Variants in LIN7A observed in about 807,000 individuals in gnomAD.
LIN7A encodes lin-7 cell polarity scaffold A.
Under a neutral mutation model 29.8 loss-of-function variants are expected in LIN7A, and 25 were observed. The ratio of observed to expected loss-of-function variants is 0.84; its 90% CI spans 0.61 to 1.17. LIN7A has a LOEUF of 1.17. Among genes scored for constraint, LIN7A ranks in the 50% most tolerant of loss-of-function variants. LIN7A has a pLI of 0.00. For missense variants in LIN7A, 239 were observed against 287.0 expected, an observed-to-expected ratio of 0.83 and a Z score of 1.21; for synonymous variants, 118 against 107.5, an observed-to-expected ratio of 1.10 and a Z score of -0.60.
At chr12:80,886,563 A>G (rs2120627157) in intron 2 of LIN7A, among the ~76,000 whole-genome samples, 1 of 152,238 alleles carries the variant, frequency 6.6e-6, no homozygotes, top group Middle Eastern at 3.4e-3. Context: ...AGATGAAGTA[A>G]TCTTTTACAC....
chr12:80,852,336 G>A (rs559784822), intron 2 of LIN7A, among the ~76,000 whole-genome samples: 6 of 152,030 alleles, frequency 3.9e-5, no homozygotes, highest in Non-Finnish European at 5.9e-5. Flanking sequence ...TGCATAGTTC[G>A]TCTTGATCTT....
At chr12:80,819,549 A>C (rs1033193920) in intron 4 of LIN7A, among the ~76,000 whole-genome samples, 5 of 152,126 alleles carry the variant, frequency 3.3e-5, no homozygotes, top group African/African-American at 1.2e-4. Flanking sequence ...ATTTATTATG[A>C]ACTCAATAAA....
chr12:80,870,671 G>A (rs142404607), intron 2 of LIN7A, among the ~76,000 whole-genome samples: 1 of 152,142 alleles, frequency 6.6e-6, no homozygotes, highest in East Asian at 1.9e-4. Context: ...GACCACAAAG[G>A]GGTAGACAAA....
intron 5 of LIN7A, among the ~76,000 whole-genome samples, chr12:80,809,795 T>TAC (rs1871202661): frequency 6.6e-6 from 1 of 152,242 alleles, no homozygotes; most frequent in Non-Finnish European, 1.5e-5. Context: ...TGTTCTTTGT[T>TAC]ACAAAGTGGA....
chr12:80,935,770 CTGAGCTA>C (rs1878180151), intron 1 of LIN7A: 1 of 509,964 alleles, frequency 2.0e-6, no homozygotes, highest in African/African-American at 1.9e-5. Context: ...TGCTTGTCTC[CTGAGCTA>C]CTGCATGTAC....
At chr12:80,881,636 T>G (rs1405609784) in intron 2 of LIN7A, among the ~76,000 whole-genome samples, 1 of 152,080 alleles carries the variant, frequency 6.6e-6, no homozygotes, top group African/African-American at 2.4e-5. Flanking sequence ...AAGTTATATA[T>G]ATATATATAT....
chr12:80,925,259 A>G (rs1877519715), intron 1 of LIN7A, among the ~76,000 whole-genome samples: 1 of 152,248 alleles, frequency 6.6e-6, no homozygotes, highest in Non-Finnish European at 1.5e-5. Context: ...GTGTTAATTG[A>G]AACATCAAGA....
intron 2 of LIN7A, among the ~76,000 whole-genome samples, chr12:80,853,662 ATATCTAG>A (rs1380922416): frequency 6.6e-6 from 1 of 151,660 alleles, no homozygotes; most frequent in East Asian, 1.9e-4. Flanking sequence ...CATACTGACG[ATATCTAG>A]TGTAGGTGAG....
chr12:80,852,750 A>G (rs552976066), intron 2 of LIN7A, among the ~76,000 whole-genome samples: 9 of 152,206 alleles, frequency 5.9e-5, no homozygotes, highest in Admixed American at 2.6e-4. Flanking sequence ...TTGTATTTTG[A>G]TGTTATTTAA....
intron 4 of LIN7A, among the ~76,000 whole-genome samples, chr12:80,811,946 C>T (rs574929719): frequency 6.6e-6 from 1 of 152,072 alleles, no homozygotes; most frequent in South Asian, 2.1e-4. Context: ...AATTATAATG[C>T]TAACATTAGG....
At chr12:80,895,357 A>G (rs1209514869) in intron 1 of LIN7A, among the ~76,000 whole-genome samples, 2 of 152,222 alleles carry the variant, frequency 1.3e-5, no homozygotes, top group Non-Finnish European at 2.9e-5. Context: ...AAGGAGTTCA[A>G]TTATTTTTTC....
chr12:80,842,106 ATC>A, intron 4 of LIN7A: 1 of 1,287,758 alleles, frequency 7.8e-7, no homozygotes, highest in Non-Finnish European at 1.0e-6. Context: ...ATGAGTTTCC[ATC>A]TGTTTTTGAC....
intron 2 of LIN7A, among the ~76,000 whole-genome samples, chr12:80,875,521 C>G (rs138080765): frequency 1.0e-3 from 154 of 152,246 alleles, no homozygotes; most frequent in African/African-American, 3.4e-3. Flanking sequence ...AAATTTGGCT[C>G]TAATTACAGA....
At chr12:80,848,191 GCA>G (rs1565900421) in intron 3 of LIN7A, 58 bp downstream of exon 3, 2 of 1,221,952 alleles carry the variant, frequency 1.6e-6, no homozygotes, top group South Asian at 2.4e-5. Flanking sequence ...ACACACACGC[GCA>G]CAATCAATTA....
intron 1 of LIN7A, among the ~76,000 whole-genome samples, chr12:80,915,360 A>G (rs77600365): frequency 0.012 from 1,756 of 152,142 alleles, 33 homozygotes; most frequent in African/African-American, 0.034. Context: ...TAAAAAGTCA[A>G]AAAAATAACA....
intron 4 of LIN7A, among the ~76,000 whole-genome samples, chr12:80,819,961 T>C (rs1318711540): frequency 6.6e-6 from 1 of 152,218 alleles, no homozygotes; most frequent in Non-Finnish European, 1.5e-5. Context: ...AAGTAAAAGT[T>C]TACCAAGTAA....
At chr12:80,917,298 C>T (rs1367452923) in intron 1 of LIN7A, among the ~76,000 whole-genome samples, 1 of 152,114 alleles carries the variant, frequency 6.6e-6, no homozygotes, top group Non-Finnish European at 1.5e-5. Context: ...CCCATCAGGC[C>T]AGCCATATTA....
Position 80,797,561 on chromosome 12 carries a change from A to G in LIN7A, c.*166T>C, listed in dbSNP as rs2121470522. ...AGCAGTGGCGGTTCAAGCCCAGAGA[A>G]AGAAGGTGTTGAGTTGCCTTGGTAA... On this transcript the variant is annotated 3_prime_UTR_variant, in exon 6 of 6. Transcript: ENST00000552864. 1 of 152,772 alleles carries G rather than the reference A, an allele frequency of 6.5e-6. No individual in the cohort carries two copies. Among genetic ancestry groups the G allele is most frequent in the African/African-American group, 2.4e-5 (1 of 41,572 alleles). 9.5% of individuals were successfully genotyped at this position (152,772 alleles called of 1,614,324 possible).
chr12:80,835,960 G>A (rs117612218), intron 4 of LIN7A, among the ~76,000 whole-genome samples: 2,459 of 151,794 alleles, frequency 0.016, 31 homozygotes, highest in South Asian at 0.053. Flanking sequence ...GTGATTTAAG[G>A]ATATAGAAAG....
Sources: allele counts gnomAD v4.1 joint callset (sites outside exome capture counted in the v4.1 genomes callset), GRCh38; gene constraint gnomAD v4.1.1; transcripts MANE v1.5; gene names NCBI Gene and HGNC (gene_info 2026-07-23, HGNC 2026-07-21).